The following NRXN1 variants were observed in gnomAD, a reference collection of about 807,000 sequenced individuals.
NRXN1 encodes neurexin 1.
A neutral mutation model predicts 150.9 loss-of-function variants in NRXN1; 39 were observed. The observed-to-expected ratio is 0.26, with a 90% confidence interval of 0.20 to 0.34. The LOEUF (loss-of-function observed/expected upper bound fraction) is 0.34. Ranked by LOEUF, NRXN1 falls within the 10% of genes least tolerant of loss-of-function variation. The probability of loss-of-function intolerance (pLI) is 1.00; values close to 1 mark genes in which losing one functional copy is unlikely to be tolerated. For missense variants in NRXN1, 1,815 were observed against 1,949.9 expected, an observed-to-expected ratio of 0.93 and a Z score of 1.30; for synonymous variants, 924 against 757.0, an observed-to-expected ratio of 1.22 and a Z score of -3.62.
At chr2:50,281,642 C>T (rs2071481123) in intron 17 of NRXN1, among the ~76,000 whole-genome samples, 1 of 151,990 alleles carries the variant, frequency 6.6e-6, no homozygotes, top group Non-Finnish European at 1.5e-5. Context: ...TGAGGAGGTC[C>T]CCTTCCACAA....
intron 17 of NRXN1, among the ~76,000 whole-genome samples, chr2:50,463,699 C>T (rs6732221): frequency 0.92 from 139,719 of 151,828 alleles, 64,681 homozygotes; most frequent in African/African-American, 0.98. Flanking sequence ...AATACATACA[C>T]AAAATTATAT....
At chr2:49,946,655 C>T (rs1322429720) in intron 21 of NRXN1, among the ~76,000 whole-genome samples, 1 of 152,034 alleles carries the variant, frequency 6.6e-6, no homozygotes, top group African/African-American at 2.4e-5. Context: ...TTCCTCATTC[C>T]TTGTTTTTGT....
intron 5 of NRXN1, among the ~76,000 whole-genome samples, chr2:50,804,316 A>G (rs1216055718): frequency 1.3e-5 from 2 of 152,194 alleles, no homozygotes; most frequent in Non-Finnish European, 2.9e-5. Flanking sequence ...GCTACCATTT[A>G]TTCAATGTGG....
At chr2:50,247,653 A>G (rs1422349900) in intron 17 of NRXN1, among the ~76,000 whole-genome samples, 1 of 152,168 alleles carries the variant, frequency 6.6e-6, no homozygotes, top group African/African-American at 2.4e-5. Context: ...GCACTCATCA[A>G]GAGTCGAGGG....
At chr2:50,724,267 T>C (rs1000867004) in intron 5 of NRXN1, among the ~76,000 whole-genome samples, 8 of 152,142 alleles carry the variant, frequency 5.3e-5, no homozygotes, top group Admixed American at 5.2e-4. Flanking sequence ...GCTTTAATCA[T>C]CCTAATGAAG....
chr2:50,447,953 TA>T (rs2086610018), intron 17 of NRXN1, among the ~76,000 whole-genome samples: 1 of 151,394 alleles, frequency 6.6e-6, no homozygotes, highest in Non-Finnish European at 1.5e-5. Context: ...AATAAGCAAG[TA>T]AAGTGTATCG....
chr2:50,345,683 C>T (rs1168927958), intron 17 of NRXN1, among the ~76,000 whole-genome samples: 1 of 152,172 alleles, frequency 6.6e-6, no homozygotes, highest in Non-Finnish European at 1.5e-5. Flanking sequence ...CCTCACAGTG[C>T]TGGTCACTCT....
At chr2:50,580,252 G>C (rs1331251909) in intron 8 of NRXN1, among the ~76,000 whole-genome samples, 5 of 152,106 alleles carry the variant, frequency 3.3e-5, no homozygotes, top group African/African-American at 4.8e-5. Flanking sequence ...ATGATGCTGG[G>C]TCTATTTTTT....
At chr2:50,499,186 G>A (rs6545176) in intron 13 of NRXN1, among the ~76,000 whole-genome samples, 121,085 of 152,092 alleles carry the variant, frequency 0.8, 48,505 homozygotes, top group South Asian at 0.85. Flanking sequence ...AAGTGACTTT[G>A]ATGATTATAC....
chr2:50,851,335 G>A (rs1453986774), intron 5 of NRXN1, among the ~76,000 whole-genome samples: 1 of 152,146 alleles, frequency 6.6e-6, no homozygotes, highest in Non-Finnish European at 1.5e-5. Context: ...GGTGATTCGA[G>A]TTTCTCAGGG....
chr2:50,402,069 G>C (rs2082424606), intron 17 of NRXN1, among the ~76,000 whole-genome samples: 1 of 152,034 alleles, frequency 6.6e-6, no homozygotes, highest in African/African-American at 2.4e-5. Context: ...TGAATCTGTG[G>C]AAAATAAGAC....
intron 8 of NRXN1, among the ~76,000 whole-genome samples, chr2:50,607,391 G>C (rs1180489896): frequency 2.0e-5 from 3 of 152,108 alleles, no homozygotes; most frequent in African/African-American, 7.2e-5. Flanking sequence ...GCCTCTAAGG[G>C]ACTCTTTACA....
At chr2:51,023,313 A>C (rs1277128608) in intron 2 of NRXN1, among the ~76,000 whole-genome samples, 1 of 152,158 alleles carries the variant, frequency 6.6e-6, no homozygotes, top group East Asian at 1.9e-4. Context: ...TTTACAGTAA[A>C]GACAAAAATA....
At chr2:49,992,931 G>A (rs1387915010) in intron 21 of NRXN1, among the ~76,000 whole-genome samples, 1 of 152,226 alleles carries the variant, frequency 6.6e-6, no homozygotes, top group Non-Finnish European at 1.5e-5. Context: ...AGGATGTCAA[G>A]CAACAGGAAT....
chr2:50,519,758 G>C (rs1334567257), intron 12 of NRXN1, among the ~76,000 whole-genome samples: 1 of 151,850 alleles, frequency 6.6e-6, no homozygotes, highest in Non-Finnish European at 1.5e-5. Flanking sequence ...TCATGATCTT[G>C]TTCACAGATG....
intron 19 of NRXN1, among the ~76,000 whole-genome samples, chr2:50,080,086 C>A (rs1299033854): frequency 1.3e-5 from 2 of 152,062 alleles, no homozygotes; most frequent in African/African-American, 2.4e-5. Context: ...CATGAATCAT[C>A]CCGTTTTCTA....
chr2:49,997,167 G>GT (rs1683139817), intron 21 of NRXN1, among the ~76,000 whole-genome samples: 1 of 152,094 alleles, frequency 6.6e-6, no homozygotes, highest in Non-Finnish European at 1.5e-5. Flanking sequence ...TGGGTGGACA[G>GT]TTGGAGATGG....
intron 5 of NRXN1, among the ~76,000 whole-genome samples, chr2:50,635,738 C>A (rs1419102658): frequency 1.3e-5 from 2 of 152,152 alleles, no homozygotes; most frequent in Non-Finnish European, 2.9e-5. Context: ...TCTGTGCTGA[C>A]CTATCCGTCA....
chr2:50,949,827 C>T (rs537052766), intron 2 of NRXN1, among the ~76,000 whole-genome samples: 1 of 152,072 alleles, frequency 6.6e-6, no homozygotes, highest in Non-Finnish European at 1.5e-5. Flanking sequence ...GTTAGATATT[C>T]CCACAGATGA....
Sources: gnomAD v4.1 joint callset for allele counts (sites outside exome capture counted in the v4.1 genomes callset) on GRCh38, gnomAD v4.1.1 for gene constraint, MANE v1.5 for transcripts, NCBI Gene and HGNC (gene_info 2026-07-23, HGNC 2026-07-21) for gene names.